FA2H: variants seen among roughly 807,000 people sequenced by gnomAD.
FA2H encodes fatty acid alpha-hydroxylase.
Under a neutral mutation model 44.9 loss-of-function variants are expected in FA2H, and 22 were observed. That is an observed-to-expected ratio of 0.49 (90% CI 0.35 to 0.70). The LOEUF (loss-of-function observed/expected upper bound fraction) is 0.70, where lower values mean the gene tolerates loss of function less well. FA2H is among the 30% of genes least tolerant of loss of function. The pLI, the probability that FA2H is intolerant of heterozygous loss-of-function variation, is 0.01. For synonymous variants in FA2H, 243 were observed against 213.2 expected (o/e 1.14, Z -1.22); for missense variants, 501 against 504.9 (o/e 0.99, Z 0.07).
intron 1 of FA2H, among the ~76,000 whole-genome samples, chr16:74,768,423 G>A (rs1215575516): frequency 1.3e-5 from 2 of 152,164 alleles, no homozygotes; most frequent in Non-Finnish European, 1.5e-5. Context: ...GGTGAGACTC[G>A]ACTGGCACCA....
At chr16:74,752,098 G>C (rs1288063112) in intron 1 of FA2H, among the ~76,000 whole-genome samples, 1 of 152,022 alleles carries the variant, frequency 6.6e-6, no homozygotes, top group Non-Finnish European at 1.5e-5. Flanking sequence ...AGTTCTAATG[G>C]TTCCATGTCC....
rs139577550 is a variant in FA2H, at chr16:74,743,183, A to G, written c.271-3068T>C. 1.1e-4 allele frequency among the ~76,000 whole-genome samples: 17 copies of G among 152,318 alleles called. No individual in the cohort carries two copies. The East Asian group carries it at 3.3e-3, about 29-fold the overall frequency. ...TTACAGTATTTATGAATGCAGAACA[A>G]TTACAACAACATTCTGTTTTTATGA... On this transcript the variant is annotated intron_variant, in intron 1 of 6. Transcript: ENST00000219368.
chr16:74,730,081 C>T (rs894244320), intron 2 of FA2H, among the ~76,000 whole-genome samples: 2 of 152,152 alleles, frequency 1.3e-5, no homozygotes, highest in African/African-American at 2.4e-5. Context: ...GCAGCCACAG[C>T]GGGTCTTCCA....
chr16:74,736,679 C>T (rs1419751896), intron 2 of FA2H, among the ~76,000 whole-genome samples: 8 of 152,188 alleles, frequency 5.3e-5, no homozygotes, highest in Non-Finnish European at 1.2e-4. Flanking sequence ...GCTGGTTATG[C>T]CAGCATCTGG....
At chr16:74,749,341 CA>C in intron 1 of FA2H, among the ~76,000 whole-genome samples, 1 of 152,280 alleles carries the variant, frequency 6.6e-6, no homozygotes, top group Non-Finnish European at 1.5e-5. Context: ...TGAGAAGCCT[CA>C]GAACCCCCGA....
chr16:74,751,364 G>A (rs1285486119), intron 1 of FA2H, among the ~76,000 whole-genome samples: 1 of 152,136 alleles, frequency 6.6e-6, no homozygotes, highest in African/African-American at 2.4e-5. Context: ...CCAAAGTGCT[G>A]GGTTTATAAC....
intron 1 of FA2H, among the ~76,000 whole-genome samples, chr16:74,753,588 G>C (rs888277763): frequency 1.3e-5 from 2 of 152,056 alleles, no homozygotes; most frequent in Non-Finnish European, 2.9e-5. Flanking sequence ...TGGGAGAATC[G>C]CTTGAACCCA....
At position 74,734,458 on chromosome 16, in the gene FA2H, G is replaced by A. The variant is rs61151661; in HGVS notation, c.363+5565C>T. ...CCGGGGCCCAGGAAGCAGATGCAAG[G>A]GGGAGTGGATTCGGCCAAAGCACCT... is the stretch of plus-strand genomic sequence containing the variant. On this transcript the variant is annotated intron_variant, in intron 2 of 6. Coordinates refer to ENST00000219368, the MANE Select transcript of FA2H (RefSeq NM_024306.5). Among the ~76,000 whole-genome samples the A allele has an allele frequency of 2.7e-3, 413 of 152,344 alleles. 9 individuals are homozygous for A. The East Asian group carries it at 0.067, about 25-fold the overall frequency.
chr16:74,728,738 A>G (rs1962007624), intron 2 of FA2H, among the ~76,000 whole-genome samples: 1 of 144,338 alleles, frequency 6.9e-6, no homozygotes, highest in South Asian at 2.2e-4. Flanking sequence ...TTCTATTGCT[A>G]TTATTTCTAT....
intron 4 of FA2H, among the ~76,000 whole-genome samples, chr16:74,724,534 G>A (rs1961909572): frequency 6.6e-6 from 1 of 152,156 alleles, no homozygotes. Context: ...TGCGTCCTTT[G>A]TCCAGCAGCT....
intron 1 of FA2H, among the ~76,000 whole-genome samples, chr16:74,773,895 G>A (rs984991263): frequency 6.6e-6 from 1 of 152,166 alleles, no homozygotes; most frequent in Non-Finnish European, 1.5e-5. Context: ...CCAGCGTGTA[G>A]GACAAGAATA....
At position 74,740,104 on chromosome 16, in the gene FA2H, C is replaced by T; in HGVS notation, c.282G>A (p.Glu94=). 6.2e-7 allele frequency: 1 copy of T among 1,612,848 alleles called. No individual in the cohort carries two copies. The highest frequency in any genetic ancestry group is 8.5e-7 in the Non-Finnish European group (1 of 1,178,870). ...TTTCCTCAAGGGCTACAGGCTCGTT[C>T]TCCATGGAGCCCTGGAAGGAGAAGA... ...ELRGEQQGSM[E]NEPVALEETQ... is the part of the protein sequence containing the mutation. Residue 94 remains glutamate, a synonymous_variant, in exon 2 of 7, where the codon GAG becomes GAA. Transcript: ENST00000219368.
At chr16:74,727,139 G>A in intron 3 of FA2H, 105 bp downstream of exon 3, 2 of 1,450,750 alleles carry the variant, frequency 1.4e-6, no homozygotes, top group Non-Finnish European at 1.9e-6. Context: ...TTACAGCATA[G>A]ACCTGGGCTC....
intron 1 of FA2H, among the ~76,000 whole-genome samples, chr16:74,769,610 G>A (rs1962868529): frequency 6.6e-6 from 1 of 152,212 alleles, no homozygotes; most frequent in Non-Finnish European, 1.5e-5. Context: ...AAAACCTGGG[G>A]TGGTGATTCA....
intron 1 of FA2H, 82 bp from the exon 2 acceptor site, chr16:74,740,197 G>T: frequency 2.6e-6 from 3 of 1,150,486 alleles, no homozygotes; most frequent in South Asian, 1.2e-5. Flanking sequence ...AGAAGAGGCA[G>T]CCAGGAGTGG....
At chr16:74,732,734 C>A (rs1034189136) in intron 2 of FA2H, among the ~76,000 whole-genome samples, 27 of 152,058 alleles carry the variant, frequency 1.8e-4, no homozygotes, top group Non-Finnish European at 3.5e-4. Flanking sequence ...CTGTCCCCAG[C>A]TGAAAATGGC....
In FA2H at chr16:74,774,689, C is replaced by G. The variant is rs1327873526; in HGVS notation, c.67G>C (p.Gly23Arg). ...PSEVQRRLAAGACWVRRGARL... is the reference protein window; with the variant it reads ...PSEVQRRLAARACWVRRGARL... ...GCCCCGCGGCGGACCCAGCACGCGC[C>G]GGCCGCCAGGCGCCGCTGGACCTCG... Residue 23 changes from glycine (G) to arginine (R), a missense_variant, in exon 1 of 7, where the codon GGC becomes CGC. By Grantham distance (125) the Gly-to-Arg change is moderately radical. Transcript: ENST00000219368. The G allele has an allele frequency of 2.9e-6, 4 of 1,386,310 alleles. No homozygotes were observed. Among genetic ancestry groups the G allele is most frequent in the Non-Finnish European group, 3.7e-6 (4 of 1,075,776 alleles). 85.9% of individuals were successfully genotyped at this position (1,386,310 alleles called of 1,614,324 possible).
At chr16:74,724,283 C>T (rs1310110714) in intron 4 of FA2H, among the ~76,000 whole-genome samples, 12 of 152,198 alleles carry the variant, frequency 7.9e-5, no homozygotes, top group Non-Finnish European at 2.9e-5. Flanking sequence ...CTCTGCCGGG[C>T]CCCGCACACC....
At chr16:74,716,690 C>T in intron 5 of FA2H, 91 bp from the exon 6 acceptor site, 2 of 1,409,756 alleles carry the variant, frequency 1.4e-6, no homozygotes, top group East Asian at 2.5e-5. Context: ...GACAGGGGCA[C>T]AGCGGCCCAG....
Sources: gnomAD v4.1 joint callset for allele counts (sites outside exome capture counted in the v4.1 genomes callset) on GRCh38, gnomAD v4.1.1 for gene constraint, MANE v1.5 for transcripts, NCBI Gene and HGNC (gene_info 2026-07-23, HGNC 2026-07-21) for gene names.